The following NOX4 variants were observed in gnomAD, a reference collection of about 807,000 sequenced individuals.
NOX4 encodes the protein kidney oxidase-1.
A neutral mutation model predicts 87.6 loss-of-function variants in NOX4; 69 were observed. The ratio of observed to expected loss-of-function variants is 0.79; its 90% CI spans 0.65 to 0.96. The LOEUF (loss-of-function observed/expected upper bound fraction) is 0.96. Among genes scored for constraint, NOX4 ranks in the 40% least tolerant of loss-of-function variants. The pLI, the probability that NOX4 is intolerant of heterozygous loss-of-function variation, is 0.00. For missense variants in NOX4, 680 were observed against 681.5 expected, an observed-to-expected ratio of 1.00 and a Z score of 0.02; for synonymous variants, 275 against 238.2, an observed-to-expected ratio of 1.15 and a Z score of -1.42.
chr11:89,439,474 C>T (rs933271809), intron 6 of NOX4, among the ~76,000 whole-genome samples: 2 of 152,062 alleles, frequency 1.3e-5, no homozygotes, highest in East Asian at 1.9e-4. Context: ...ATAGCTGTGA[C>T]ATGGATGGGG....
the NOX4 span, among the ~76,000 whole-genome samples, chr11:89,512,264 CCTTTTT>C: frequency 4.6e-4 from 70 of 152,106 alleles, no homozygotes; most frequent in African/African-American, 1.5e-3. Flanking sequence ...TTTTCCTTTT[CCTTTTT>C]TATAATAAAA....
intron 2 of NOX4, among the ~76,000 whole-genome samples, chr11:89,472,994 A>G (rs1045034176): frequency 6.6e-6 from 1 of 152,196 alleles, no homozygotes. Context: ...AAATGTATCA[A>G]GTGAAAAAGG....
chr11:89,419,505 G>C (rs1942972624), intron 8 of NOX4, among the ~76,000 whole-genome samples: 1 of 151,254 alleles, frequency 6.6e-6, no homozygotes, highest in Admixed American at 6.6e-5. Context: ...TAAATTTCCT[G>C]GAAAAAATGT....
At chr11:89,380,784 T>C (rs1017020113) in intron 11 of NOX4, among the ~76,000 whole-genome samples, 1 of 152,162 alleles carries the variant, frequency 6.6e-6, no homozygotes, top group Non-Finnish European at 1.5e-5. Flanking sequence ...ACATTAATCA[T>C]CTTCTCAGGA....
At chr11:89,584,182 T>C in the NOX4 span, among the ~76,000 whole-genome samples, 4 of 152,270 alleles carry the variant, frequency 2.6e-5, no homozygotes, top group South Asian at 2.1e-4. Context: ...ATTTCTCTTA[T>C]TACTTTGCAA....
chr11:89,497,590 G>T (rs547610921), intron 1 of NOX4, among the ~76,000 whole-genome samples: 8 of 152,238 alleles, frequency 5.3e-5, no homozygotes, highest in Admixed American at 5.2e-4. Flanking sequence ...AGCTCACCGA[G>T]CACCTTCATG....
chr11:89,354,445 T>C (rs1937836438), intron 13 of NOX4, among the ~76,000 whole-genome samples: 2 of 152,142 alleles, frequency 1.3e-5, no homozygotes, highest in Admixed American at 1.3e-4. Context: ...CTGCTTCACA[T>C]AACAAAGCGT....
intron 2 of NOX4, among the ~76,000 whole-genome samples, chr11:89,470,424 GATGAATGA>G (rs372500876): frequency 1.5e-4 from 23 of 151,980 alleles, no homozygotes; most frequent in East Asian, 3.9e-4. Context: ...ATATATGGTG[GATGAATGA>G]ATGAATGAAT....
chr11:89,571,864 A>C, the NOX4 span, among the ~76,000 whole-genome samples: 1 of 152,284 alleles, frequency 6.6e-6, no homozygotes, highest in Admixed American at 6.5e-5. Context: ...CAAAGGACAG[A>C]CGGAACTCAA....
chr11:89,428,291 C>T (rs1435469940), intron 7 of NOX4, among the ~76,000 whole-genome samples: 1 of 144,822 alleles, frequency 6.9e-6, no homozygotes, highest in Non-Finnish European at 1.5e-5. Context: ...ACCATCGATG[C>T]TAGAAGAAAC....
chr11:89,514,752 A>AT, the NOX4 span, among the ~76,000 whole-genome samples: 1 of 151,878 alleles, frequency 6.6e-6, no homozygotes, highest in Admixed American at 6.6e-5. Context: ...TTCTATTATG[A>AT]TGATGCATTA....
At chr11:89,366,867 CTGT>C in intron 12 of NOX4, among the ~76,000 whole-genome samples, 1 of 152,066 alleles carries the variant, frequency 6.6e-6, no homozygotes, top group African/African-American at 2.4e-5. Context: ...TTTAAGTGAG[CTGT>C]AACCTACTAA....
chr11:89,346,580 A>AAT (rs1554993209), intron 13 of NOX4, among the ~76,000 whole-genome samples: 1 of 115,316 alleles, frequency 8.7e-6, no homozygotes. Context: ...AAAGAAAGAA[A>AAT]GATGGAGAAT....
intron 2 of NOX4, among the ~76,000 whole-genome samples, chr11:89,459,264 A>G (rs1467652158): frequency 6.6e-6 from 1 of 152,130 alleles, no homozygotes; most frequent in Non-Finnish European, 1.5e-5. Context: ...CAGGAACGTA[A>G]AGAATGGAAC....
At chr11:89,567,611 G>C in the NOX4 span, among the ~76,000 whole-genome samples, 1 of 152,108 alleles carries the variant, frequency 6.6e-6, no homozygotes, top group Non-Finnish European at 1.5e-5. Context: ...AGGGAAGGGG[G>C]AAGCCTCTTA....
chr11:89,557,465 C>G, the NOX4 span, among the ~76,000 whole-genome samples: 1 of 152,108 alleles, frequency 6.6e-6, no homozygotes, highest in Non-Finnish European at 1.5e-5. Context: ...TTAATTCATG[C>G]CACATCACTG....
chr11:89,402,277 G>A (rs1788421582), intron 9 of NOX4, 49 bp downstream of exon 9: 1 of 1,370,474 alleles, frequency 7.3e-7, no homozygotes, highest in Admixed American at 1.7e-5. Flanking sequence ...ATGTTGATCA[G>A]TCAAATGGAA....
chr11:89,397,841 A>G (rs1431459492), intron 11 of NOX4, among the ~76,000 whole-genome samples: 1 of 152,148 alleles, frequency 6.6e-6, no homozygotes, highest in African/African-American at 2.4e-5. Flanking sequence ...CCAACCAAAA[A>G]AAAGTCTAGG....
At chr11:89,363,292 C>A (rs1354815083) in intron 12 of NOX4, among the ~76,000 whole-genome samples, 1 of 151,948 alleles carries the variant, frequency 6.6e-6, no homozygotes, top group East Asian at 1.9e-4. Context: ...TATCAATAAT[C>A]TATAATGATA....
Sources: allele counts gnomAD v4.1 joint callset (sites outside exome capture counted in the v4.1 genomes callset), GRCh38; gene constraint gnomAD v4.1.1; transcripts MANE v1.5; gene names NCBI Gene and HGNC (gene_info 2026-07-23, HGNC 2026-07-21).